Variants in PHLPP1 observed in about 807,000 individuals in gnomAD.
The protein encoded by PHLPP1 is PH domain and leucine rich repeat protein phosphatase 1, also known as PH domain leucine-rich repeat-containing protein phosphatase 1.
In PHLPP1, 42 loss-of-function variants were observed where a neutral mutation model predicts 117.2. The ratio of observed to expected loss-of-function variants is 0.36; its 90% CI spans 0.28 to 0.46. The LOEUF (loss-of-function observed/expected upper bound fraction) is 0.46, where lower values mean the gene tolerates loss of function less well. Among genes scored for constraint, PHLPP1 ranks in the 20% least tolerant of loss-of-function variants. PHLPP1 has a pLI of 1.00. For synonymous variants in PHLPP1, 1,042 were observed against 970.7 expected, an observed-to-expected ratio of 1.07 and a Z score of -1.37; for missense variants, 2,084 against 2,241.9, an observed-to-expected ratio of 0.93 and a Z score of 1.42.
chr18:62,846,847 T>C (rs987223942), intron 3 of PHLPP1, among the ~76,000 whole-genome samples: 1 of 152,212 alleles, frequency 6.6e-6, no homozygotes, highest in Non-Finnish European at 1.5e-5. Context: ...AATAGAATGA[T>C]CTCTTTACAG....
At chr18:62,745,600 T>C (rs1309296839) in intron 1 of PHLPP1, among the ~76,000 whole-genome samples, 1 of 152,170 alleles carries the variant, frequency 6.6e-6, no homozygotes, top group African/African-American at 2.4e-5. Context: ...TGTGCTATAG[T>C]GTTGCAAGAA....
rs866658101 is a variant in PHLPP1 at position 62,820,039 on chromosome 18, A to G, written c.1577-9996A>G. Among the ~76,000 whole-genome samples, 6 of 152,372 alleles carry G rather than the reference A, an allele frequency of 3.9e-5. No homozygotes were observed. The South Asian group carries it at 6.2e-4, about 16-fold the overall frequency. Reference sequence around the variant, plus strand: ...TGGTAACACTGATTGTAAGAAAAATAGAGTGGCTATATTTGTATTGACAAA... The same window carrying G: ...TGGTAACACTGATTGTAAGAAAAATGGAGTGGCTATATTTGTATTGACAAA... On this transcript the variant is annotated intron_variant, in intron 1 of 16. Coordinates refer to ENST00000262719, the MANE Select transcript of PHLPP1 (RefSeq NM_194449.4).
chr18:62,835,972 G>T (rs1481891689), intron 2 of PHLPP1, among the ~76,000 whole-genome samples: 2 of 150,804 alleles, frequency 1.3e-5, no homozygotes, highest in African/African-American at 4.9e-5. Context: ...GTAGAAGTGG[G>T]GTTTCACCAT....
At chr18:62,764,680 A>G (rs1912402940) in intron 1 of PHLPP1, among the ~76,000 whole-genome samples, 1 of 152,218 alleles carries the variant, frequency 6.6e-6, no homozygotes, top group South Asian at 2.1e-4. Flanking sequence ...TGCTAGTCAC[A>G]CTTACGTCCT....
chr18:62,789,747 G>A (rs763848930), intron 1 of PHLPP1, among the ~76,000 whole-genome samples: 1 of 151,982 alleles, frequency 6.6e-6, no homozygotes, highest in African/African-American at 2.4e-5. Context: ...AGTTCTATAG[G>A]GCTGGGAAGT....
intron 1 of PHLPP1, among the ~76,000 whole-genome samples, chr18:62,812,623 G>T (rs1914156515): frequency 6.6e-6 from 1 of 152,118 alleles, no homozygotes; most frequent in Non-Finnish European, 1.5e-5. Context: ...CCCACCCTGA[G>T]TGAGGCCTGC....
intron 12 of PHLPP1, among the ~76,000 whole-genome samples, chr18:62,958,273 GT>G: frequency 6.6e-6 from 1 of 152,278 alleles, no homozygotes; most frequent in South Asian, 2.1e-4. Flanking sequence ...TCATTTTAAT[GT>G]TTGAGCTATA....
At chr18:62,940,234 T>C (rs1367071176) in intron 10 of PHLPP1, among the ~76,000 whole-genome samples, 1 of 151,842 alleles carries the variant, frequency 6.6e-6, no homozygotes, top group East Asian at 1.9e-4. Flanking sequence ...AGCTTTGCAA[T>C]GTGCATTTAA....
At chr18:62,860,868 T>G (rs1447451901) in intron 4 of PHLPP1, among the ~76,000 whole-genome samples, 1 of 152,180 alleles carries the variant, frequency 6.6e-6, no homozygotes, top group East Asian at 1.9e-4. Flanking sequence ...TTAAACAACT[T>G]TTATTCCTAT....
At chr18:62,732,532 A>G (rs532775560) in intron 1 of PHLPP1, among the ~76,000 whole-genome samples, 76 of 152,354 alleles carry the variant, frequency 5.0e-4, no homozygotes, top group Middle Eastern at 3.4e-3. Context: ...GGAGATGTAC[A>G]TAGAGGTTAA....
chr18:62,844,650 G>T (rs1374043063), intron 3 of PHLPP1, among the ~76,000 whole-genome samples: 1 of 152,136 alleles, frequency 6.6e-6, no homozygotes, highest in African/African-American at 2.4e-5. Context: ...TCTAGAAGAT[G>T]AGGACTCTTC....
At position 62,716,644 on chromosome 18, in the gene PHLPP1, T is replaced by C; in HGVS notation, c.961T>C (p.Ser321Pro). ...GWSRRASPAP[S>P]DSSPGEPFVG... ...GTCGCGCCGCGCCAGCCCAGCGCCC[T>C]CGGACTCCAGCCCCGGCGAGCCGTT... is the stretch of plus-strand genomic sequence containing the variant. The change falls in exon 1 of 17, where the codon TCG becomes CCG. Residue 321 changes from serine to proline, a missense_variant. This residue lies in a region of PHLPP1 where 719 missense variants were observed against 636.0 expected (regional missense o/e 1.13). Coordinates refer to ENST00000262719, the MANE Select transcript of PHLPP1 (RefSeq NM_194449.4). The surrounding 1 kb of genome is among the most constrained non-coding windows in gnomAD (Gnocchi z 5.7). The C allele has an allele frequency of 7.1e-7, 1 of 1,404,852 alleles. No individual in the cohort carries two copies. The highest frequency in any genetic ancestry group is 9.2e-7 in the Non-Finnish European group (1 of 1,081,430). The allele number at this position is 1,404,852 out of a possible 1,614,324, so 87.0% of individuals were successfully genotyped here. A position where few individuals can be genotyped will look rare whatever the true frequency, so the allele number is the denominator to read the frequency against.
intron 2 of PHLPP1, among the ~76,000 whole-genome samples, chr18:62,834,574 G>C (rs997326803): frequency 1.3e-5 from 2 of 152,106 alleles, no homozygotes; most frequent in Admixed American, 6.6e-5. Flanking sequence ...ATCTACTTTC[G>C]CAAGATGATA....
intron 1 of PHLPP1, among the ~76,000 whole-genome samples, chr18:62,771,592 A>T (rs1311105904): frequency 6.6e-6 from 1 of 152,218 alleles, no homozygotes; most frequent in East Asian, 1.9e-4. Context: ...TTAAAAGGTT[A>T]GTGCACACTG....
chr18:62,838,252 A>G (rs1051331096), intron 2 of PHLPP1: 4 of 152,162 alleles, frequency 2.6e-5, no homozygotes, highest in African/African-American at 9.7e-5. Flanking sequence ...GTATAATGTT[A>G]CTTTTGGTGT....
chr18:62,845,735 C>T (rs1213674584), intron 3 of PHLPP1, among the ~76,000 whole-genome samples: 1 of 152,084 alleles, frequency 6.6e-6, no homozygotes, highest in African/African-American at 2.4e-5. Flanking sequence ...TGCCACTTGT[C>T]CTTTAGGGAT....
chr18:62,948,250 G>A (rs984045376), intron 12 of PHLPP1, among the ~76,000 whole-genome samples: 3 of 151,314 alleles, frequency 2.0e-5, no homozygotes, highest in Non-Finnish European at 4.4e-5. Context: ...ACTTGAACCC[G>A]AGAGGGGGAA....
At position 62,958,723 on chromosome 18, in the gene PHLPP1, G is replaced by T. The variant is rs372737422; in HGVS notation, c.3419G>T (p.Arg1140Leu). 9 of 1,613,810 alleles carry T rather than the reference G, an allele frequency of 5.6e-6. No individual in the cohort carries two copies. In the Admixed American group the frequency reaches 8.3e-5, roughly 15 times the overall value. ...GAGCTAGACCTGACTGGAAACCCGC[G>T]CCTTGTCCTTGATCACAAAACCCTG... Reference protein sequence around the residue: ...LQELDLTGNPRLVLDHKTLEL... With the variant: ...LQELDLTGNPLLVLDHKTLEL... Residue 1140 changes from arginine (R) to leucine (L), a missense_variant, in exon 13 of 17, where the codon CGC becomes CTC. Around this residue, in one of 2 missense-constraint regions of PHLPP1, gnomAD observed 1,365 missense variants for 1,605.9 expected, o/e 0.85. Transcript: ENST00000262719.
chr18:62,946,647 G>A (rs991568792), intron 12 of PHLPP1, among the ~76,000 whole-genome samples: 2 of 152,210 alleles, frequency 1.3e-5, no homozygotes, highest in Non-Finnish European at 2.9e-5. Context: ...GTTTGTGTGT[G>A]TGTGTGTGCG....
Sources: allele counts gnomAD v4.1 joint callset (sites outside exome capture counted in the v4.1 genomes callset), GRCh38; gene constraint gnomAD v4.1.1; regional missense constraint gnomAD v4.1.1; non-coding constraint Gnocchi (gnomAD v3.1); transcripts MANE v1.5; gene names NCBI Gene and HGNC (gene_info 2026-07-23, HGNC 2026-07-21).